The following SULF1 variants were observed in gnomAD, a reference collection of about 807,000 sequenced individuals.
SULF1 encodes sulfatase 1.
A neutral mutation model predicts 110.5 loss-of-function variants in SULF1; 46 were observed. The observed-to-expected ratio is 0.42, with a 90% CI of 0.33 to 0.53. The LOEUF (loss-of-function observed/expected upper bound fraction) is 0.53, where lower values mean the gene tolerates loss of function less well. Among genes scored for constraint, SULF1 ranks in the 20% least tolerant of loss-of-function variants. The probability of loss-of-function intolerance (pLI) is 0.12; values close to 1 mark genes in which losing one functional copy is unlikely to be tolerated. For missense variants in SULF1, 941 were observed against 1,094.2 expected (o/e 0.86, Z 1.98); for synonymous variants, 371 against 387.1 (o/e 0.96, Z 0.49).
At chr8:69,564,516 A>G (rs1815727805) in intron 5 of SULF1, among the ~76,000 whole-genome samples, 1 of 152,242 alleles carries the variant, frequency 6.6e-6, no homozygotes, top group Admixed American at 6.5e-5. Context: ...TGCAATGGAT[A>G]TGAATATAGA....
At position 69,659,078 on chromosome 8, in the gene SULF1, G is replaced by T. The variant is rs3802278; in HGVS notation, c.*543G>T. The T allele has an allele frequency of 3.9e-5, 18 of 456,690 alleles. No individual in the cohort carries two copies. The highest frequency in any genetic ancestry group is 7.0e-5 in the Non-Finnish European group (16 of 226,998). The allele number at this position is 456,690 out of a possible 1,614,324, so 28.3% of individuals were successfully genotyped here. On this transcript the variant is annotated 3_prime_UTR_variant, in exon 23 of 23. Coordinates refer to ENST00000402687, the MANE Select transcript of SULF1 (RefSeq NM_001128205.2). ...CCCAGCCCCAGGCTGCAGCCCATTCGCAGGCACCCGAAAGAACTTCCCCAG... is the reference window on the plus strand; with the variant it reads ...CCCAGCCCCAGGCTGCAGCCCATTCTCAGGCACCCGAAAGAACTTCCCCAG...
At chr8:69,555,567 GA>G (rs1815057506) in intron 3 of SULF1, among the ~76,000 whole-genome samples, 1 of 151,910 alleles carries the variant, frequency 6.6e-6, no homozygotes, top group Non-Finnish European at 1.5e-5. Context: ...TGAGAAAAGA[GA>G]ATCACTTGAA....
intron 3 of SULF1, among the ~76,000 whole-genome samples, chr8:69,516,624 A>C (rs1033039532): frequency 1.3e-5 from 2 of 152,218 alleles, no homozygotes; most frequent in African/African-American, 2.4e-5. Context: ...ATAAAAAATG[A>C]AACCATAAAT....
intron 3 of SULF1, among the ~76,000 whole-genome samples, chr8:69,527,772 A>G (rs142070838): frequency 0.018 from 2,813 of 152,114 alleles, 77 homozygotes; most frequent in African/African-American, 0.063. Context: ...AGTGTGGGCA[A>G]GTGTGTATGT....
upstream of SULF1, among the ~76,000 whole-genome samples, chr8:69,490,575 C>T (rs980908838): frequency 6.6e-6 from 1 of 152,194 alleles, no homozygotes; most frequent in African/African-American, 2.4e-5. Flanking sequence ...TCACATTCGT[C>T]CCCTTCCCAC....
Position 69,641,766 on chromosome 8 carries a change from A to T in SULF1, c.2585+925A>T, listed in dbSNP as rs79538802. Among the ~76,000 whole-genome samples, 633 of 152,154 alleles carry T rather than the reference A, an allele frequency of 4.2e-3. 6 individuals are homozygous for T. Among genetic ancestry groups the T allele is most frequent in the East Asian group, 0.031 (162 of 5,178 alleles). On this transcript the variant is annotated intron_variant, in intron 22 of 22. Coordinates refer to ENST00000402687, the MANE Select transcript of SULF1 (RefSeq NM_001128205.2). The stretch of plus-strand genomic sequence containing the variant: ...CTCTAAAAATAAATAAATAAATAAA[A>T]AAATAAAGACACTCAATAGTGTCAA...
At chr8:69,635,596 G>A (rs1810930095) in intron 19 of SULF1, among the ~76,000 whole-genome samples, 1 of 152,224 alleles carries the variant, frequency 6.6e-6, no homozygotes, top group Admixed American at 6.5e-5. Context: ...TCTTGCCCGG[G>A]TGTGGTGGCT....
At chr8:69,611,965 A>G (rs952665002) in intron 13 of SULF1, among the ~76,000 whole-genome samples, 1 of 152,106 alleles carries the variant, frequency 6.6e-6, no homozygotes, top group African/African-American at 2.4e-5. Context: ...AGTGTATACT[A>G]TACCCAGTTT....
At chr8:69,484,857 C>CTTCTTCTTCTTCTTCTTCTTCTT (rs1160167129) in intron 1 of SULF1, among the ~76,000 whole-genome samples, 2 of 145,334 alleles carry the variant, frequency 1.4e-5, no homozygotes, top group African/African-American at 2.6e-5. Context: ...TCTTCTTCTT[C>CTTCTTCTTCTTCTTCTTCTTCTT]TTCTTTTCTT....
intron 3 of SULF1, among the ~76,000 whole-genome samples, chr8:69,508,698 C>T (rs750463993): frequency 3.3e-5 from 5 of 151,972 alleles, no homozygotes; most frequent in Non-Finnish European, 7.4e-5. Flanking sequence ...AATTTTTACC[C>T]GAAAATGATT....
rs532105097 is a variant in SULF1, at chr8:69,646,938, A to ATTTTTTT, written c.2585+6115_2585+6121dup. Among the ~76,000 whole-genome samples the ATTTTTTT allele has an allele frequency of 5.2e-4, 51 of 97,756 alleles. 2 individuals are homozygous for ATTTTTTT. The highest frequency in any genetic ancestry group is 7.1e-4 in the African/African-American group (18 of 25,500). 64.1% of individuals were successfully genotyped at this position (97,756 alleles called of 152,430 possible). A position where few individuals can be genotyped will look rare whatever the true frequency, so the allele number is the denominator to read the frequency against. ...ACAAATTGTATCAAAGAGCCCTGGAATTTTTTTTTTTTTTTTTTTTTTTTG... is the reference window on the plus strand; with the variant it reads ...ACAAATTGTATCAAAGAGCCCTGGAATTTTTTTTTTTTTTTTTTTTTTTTTTTTTTTG... On this transcript the variant is annotated intron_variant, in intron 22 of 22. Transcript: ENST00000402687.
At chr8:69,547,168 A>G (rs897342051) in intron 3 of SULF1, among the ~76,000 whole-genome samples, 2 of 152,032 alleles carry the variant, frequency 1.3e-5, no homozygotes, top group Admixed American at 1.3e-4. Flanking sequence ...TTCTCAAGCT[A>G]CTGTGGCAGG....
In SULF1 at chr8:69,510,945, T is replaced by TACACACACACAC. The variant is rs56386460; in HGVS notation, c.-134+9007_-134+9018dup. On this transcript the variant is annotated intron_variant, in intron 3 of 22. Transcript: ENST00000402687. ...TAATAATGTTAGTCCATATCATCAT[T>TACACACACACAC]ACACACACACACACACACACACACA... Among the ~76,000 whole-genome samples, 435 of 141,224 alleles carry TACACACACACAC rather than the reference T, an allele frequency of 3.1e-3. 2 individuals are homozygous for TACACACACACAC. The highest frequency in any genetic ancestry group is 4.6e-3 in the Non-Finnish European group (302 of 65,114). The allele number at this position is 141,224 out of a possible 152,430, so 92.6% of individuals were successfully genotyped here. A position where few individuals can be genotyped will look rare whatever the true frequency, so the allele number is the denominator to read the frequency against.
chr8:69,526,872 G>GGAAGGA (rs1563498619), intron 3 of SULF1, among the ~76,000 whole-genome samples: 1 of 135,912 alleles, frequency 7.4e-6, no homozygotes, highest in Non-Finnish European at 1.6e-5. Context: ...GAAGGAGGAA[G>GGAAGGA]GGAAGGGAAG....
rs1398726637 is a variant in SULF1 at position 69,617,405 on chromosome 8, A to G, written c.1378-3630A>G. 1.6e-3 allele frequency among the ~76,000 whole-genome samples: 112 copies of G among 71,036 alleles called. 5 individuals are homozygous for G. Among genetic ancestry groups the G allele is most frequent in the African/African-American group, 6.1e-3 (82 of 13,386 alleles). The allele number at this position is 71,036 out of a possible 152,430, so 46.6% of individuals were successfully genotyped here. A position where few individuals can be genotyped will look rare whatever the true frequency, so the allele number is the denominator to read the frequency against. On this transcript the variant is annotated intron_variant, in intron 13 of 22. Coordinates refer to ENST00000402687, the MANE Select transcript of SULF1 (RefSeq NM_001128205.2). The stretch of plus-strand genomic sequence containing the variant: ...TATATATATATATATATATATATAT[A>G]TATATATATATATATATATATATAT...
rs752032956 is a variant in SULF1, at chr8:69,576,229, G to A, written c.412+20G>A. The stretch of plus-strand genomic sequence containing the variant: ...GAACAGGTAAGGGATGACGTTTCTA[G>A]CCCATGAACGTCTTGTAATATGTCT... On this transcript the variant is annotated intron_variant, in intron 6 of 22. Transcript: ENST00000402687. 9 of 1,607,986 alleles carry A rather than the reference G, an allele frequency of 5.6e-6. No homozygotes were observed. The East Asian group carries it at 1.6e-4, about 28-fold the overall frequency.
chr8:69,605,885 G>A (rs537849372), intron 13 of SULF1, among the ~76,000 whole-genome samples: 2 of 152,292 alleles, frequency 1.3e-5, no homozygotes, highest in East Asian at 3.9e-4. Flanking sequence ...TTTTACAAAT[G>A]GGCAGCTGGG....
intron 1 of SULF1, among the ~76,000 whole-genome samples, chr8:69,481,055 A>T (rs1809500488): frequency 6.6e-6 from 1 of 152,138 alleles, no homozygotes; most frequent in African/African-American, 2.4e-5. Flanking sequence ...AAATAAAAAT[A>T]AAAATAAAAG....
chr8:69,611,284 G>GTT lies in SULF1; in HGVS notation c.1377+6354_1377+6355dup, dbSNP rs1808632748. Among the ~76,000 whole-genome samples, 3 of 152,310 alleles carry GTT rather than the reference G, an allele frequency of 2.0e-5. No individual in the cohort carries two copies. The South Asian group carries it at 6.2e-4, about 32-fold the overall frequency. On this transcript the variant is annotated intron_variant, in intron 13 of 22. Transcript: ENST00000402687. The stretch of plus-strand genomic sequence containing the variant: ...GGTTGTCAATCATTGGCCAAGATCA[G>GTT]TTTACCAATTTCATTTTCTAGGAAT...
Sources: gnomAD v4.1 joint callset for allele counts (sites outside exome capture counted in the v4.1 genomes callset) on GRCh38, gnomAD v4.1.1 for gene constraint, MANE v1.5 for transcripts, NCBI Gene and HGNC (gene_info 2026-07-23, HGNC 2026-07-21) for gene names.